GARIN2: variants seen among roughly 807,000 people sequenced by gnomAD.
The protein encoded by GARIN2 is golgi associated RAB2 interactor family member 2, also known as Golgi-associated RAB2 interactor protein 2.
chr14:67,193,355 G>T, the GARIN2 span, among the ~76,000 whole-genome samples: 6 of 127,842 alleles, frequency 4.7e-5, no homozygotes, highest in Non-Finnish European at 6.8e-5. Flanking sequence ...TCTATATAGA[G>T]ATATATAATC....
At chr14:67,193,714 A>G in the GARIN2 span, among the ~76,000 whole-genome samples, 158 of 148,632 alleles carry the variant, frequency 1.1e-3, no homozygotes, top group African/African-American at 3.6e-3. Flanking sequence ...AGGCCAAAAC[A>G]GGTGGATCAC....
the GARIN2 span, among the ~76,000 whole-genome samples, chr14:67,217,517 T>A: frequency 1.3e-5 from 2 of 152,304 alleles, no homozygotes; most frequent in African/African-American, 4.8e-5. Context: ...ATTTTTGCAG[T>A]TGAGTGATTT....
chr14:67,199,831 AC>A, the GARIN2 span: 22 of 1,495,976 alleles, frequency 1.5e-5, no homozygotes, highest in Non-Finnish European at 2.0e-5. Context: ...CACCTGGGAT[AC>A]CCCCAGCCAT....
the GARIN2 span, chr14:67,201,760 T>C: frequency 3.2e-6 from 1 of 317,188 alleles, no homozygotes; most frequent in Non-Finnish European, 6.2e-6. Context: ...AAGTTATCAA[T>C]AGTGTGAGCT....
the GARIN2 span, among the ~76,000 whole-genome samples, chr14:67,225,926 A>AGAGTGTGTGTGTGT: frequency 3.7e-5 from 5 of 136,630 alleles, no homozygotes; most frequent in Admixed American, 1.5e-4. Flanking sequence ...TAATGCTGTG[A>AGAGTGTGTGTGTGT]GTGTGTGTGT....
At chr14:67,193,098 AT>A in the GARIN2 span, among the ~76,000 whole-genome samples, 2 of 144,272 alleles carry the variant, frequency 1.4e-5, no homozygotes, top group Non-Finnish European at 3.0e-5. Context: ...ATATCTCTAT[AT>A]ATCTCTATAT....
the GARIN2 span, among the ~76,000 whole-genome samples, chr14:67,218,514 T>C: frequency 1.3e-5 from 2 of 152,112 alleles, no homozygotes; most frequent in Non-Finnish European, 2.9e-5. Flanking sequence ...GCCTGGGGCA[T>C]GTCAACCTGG....
At chr14:67,203,407 T>A in the GARIN2 span, 2 of 813,074 alleles carry the variant, frequency 2.5e-6, no homozygotes, top group Non-Finnish European at 3.7e-6. Flanking sequence ...TTACTCGCAC[T>A]CCCTGCTGCA....
chr14:67,220,166 C>T, the GARIN2 span, among the ~76,000 whole-genome samples: 1 of 152,128 alleles, frequency 6.6e-6, no homozygotes, highest in Non-Finnish European at 1.5e-5. Flanking sequence ...CTGCGTGCAA[C>T]GGCTCATGCC....
At chr14:67,221,657 G>T in the GARIN2 span, 2 of 1,458,712 alleles carry the variant, frequency 1.4e-6, no homozygotes, top group Non-Finnish European at 1.8e-6. Flanking sequence ...TTTGCTAAAC[G>T]TGTTTCATTA....
At chr14:67,193,333 TATAG>T in the GARIN2 span, among the ~76,000 whole-genome samples, 3 of 138,808 alleles carry the variant, frequency 2.2e-5, no homozygotes, top group South Asian at 2.3e-4. Flanking sequence ...TATATCTCTA[TATAG>T]ATATCTATCT....
the GARIN2 span, chr14:67,208,231 G>C: frequency 6.2e-7 from 1 of 1,613,866 alleles, no homozygotes; most frequent in Non-Finnish European, 8.5e-7. Context: ...TGAAGCCTGG[G>C]TGTTTACAAG....
the GARIN2 span, among the ~76,000 whole-genome samples, chr14:67,224,259 CTTTTTTTTTTTTTT>C: frequency 7.4e-6 from 1 of 134,800 alleles, no homozygotes; most frequent in Admixed American, 7.5e-5. Context: ...TCTCTCTTTT[CTTTTTTTTTTTTTT>C]TTTGAGACAG....
the GARIN2 span, chr14:67,208,153 C>T: frequency 1.9e-6 from 3 of 1,605,042 alleles, no homozygotes; most frequent in African/African-American, 2.7e-5. Context: ...ACACCTATTA[C>T]CTGATGCTCT....
chr14:67,200,179 C>T, the GARIN2 span: 305 of 1,152,814 alleles, frequency 2.6e-4, no homozygotes, highest in Non-Finnish European at 3.4e-4. Context: ...ACATGGTATG[C>T]GTGGACTTCC....
At chr14:67,225,921 C>CTGTGTGTGTGTGTGTGTG in the GARIN2 span, among the ~76,000 whole-genome samples, 1 of 84,944 alleles carries the variant, frequency 1.2e-5, no homozygotes, top group East Asian at 2.8e-4. Flanking sequence ...AAAGCTAATG[C>CTGTGTGTGTGTGTGTGTG]TGTGAGTGTG....
the GARIN2 span, among the ~76,000 whole-genome samples, chr14:67,221,254 C>T: frequency 6.6e-6 from 1 of 152,198 alleles, no homozygotes; most frequent in Non-Finnish European, 1.5e-5. Flanking sequence ...TTATTTGCTA[C>T]AAGATTCCCA....
the GARIN2 span, among the ~76,000 whole-genome samples, chr14:67,204,317 T>C: frequency 9.2e-5 from 14 of 152,038 alleles, no homozygotes; most frequent in Admixed American, 9.2e-4. Context: ...TACATATCTG[T>C]TGTCCCAGCT....
chr14:67,193,601 A>G, the GARIN2 span, among the ~76,000 whole-genome samples: 1 of 145,690 alleles, frequency 6.9e-6, no homozygotes, highest in Non-Finnish European at 1.5e-5. Context: ...ATATATATCT[A>G]TAGATATATA....
Sources: allele counts gnomAD v4.1 joint callset (sites outside exome capture counted in the v4.1 genomes callset), GRCh38; gene constraint gnomAD v4.1.1; transcripts MANE v1.5; gene names NCBI Gene and HGNC (gene_info 2026-07-23, HGNC 2026-07-21).